The following AHCTF1 variants were observed in gnomAD, a reference collection of about 807,000 sequenced individuals.
The protein encoded by AHCTF1 is protein ELYS.
Under a neutral mutation model 248.4 loss-of-function variants are expected in AHCTF1, and 24 were observed. The ratio of observed to expected loss-of-function variants is 0.10; its 90% confidence interval spans 0.07 to 0.14. The LOEUF (loss-of-function observed/expected upper bound fraction) is 0.14, where lower values mean the gene tolerates loss of function less well. Ranked by LOEUF, AHCTF1 falls within the 10% of genes least tolerant of loss-of-function variation. The pLI, the probability that AHCTF1 is intolerant of heterozygous loss-of-function variation, is 1.00. For missense variants in AHCTF1, 2,206 were observed against 2,636.2 expected, an observed-to-expected ratio of 0.84 and a Z score of 3.57; for synonymous variants, 786 against 929.8, an observed-to-expected ratio of 0.85 and a Z score of 2.81.
intron 7 of AHCTF1, 109 bp from the exon 8 acceptor site, chr1:246,902,784 A>G: frequency 2.8e-6 from 3 of 1,076,542 alleles, no homozygotes; most frequent in South Asian, 2.4e-5. Flanking sequence ...AAAGAAAACA[A>G]TTTAGACTGA....
At chr1:246,909,979 C>T (rs866938617) in intron 4 of AHCTF1, among the ~76,000 whole-genome samples, 8 of 152,298 alleles carry the variant, frequency 5.3e-5, no homozygotes, top group Non-Finnish European at 1.2e-4. Flanking sequence ...TGATGACAGA[C>T]TTTAAAAAGG....
chr1:246,894,917 C>T lies in AHCTF1; in HGVS notation c.1715-169G>A, dbSNP rs184839925. ...TCTCAGTGCACCACACCACGGAGCA[C>T]GTCATTTCAGGTAATGCTGCCGCCA... On this transcript the variant is annotated intron_variant, in intron 13 of 35. Transcript: ENST00000648844. Among the ~76,000 whole-genome samples, 890 of 152,018 alleles carry T rather than the reference C, an allele frequency of 5.9e-3. 9 individuals are homozygous for T. The highest frequency in any genetic ancestry group is 0.016 in the South Asian group (76 of 4,812).
chr1:246,920,434 G>C (rs1666458916), intron 1 of AHCTF1, among the ~76,000 whole-genome samples: 2 of 152,062 alleles, frequency 1.3e-5, no homozygotes, highest in African/African-American at 2.4e-5. Flanking sequence ...AGCAATGAGA[G>C]TGAATCACAG....
chr1:246,842,778 T>C lies in AHCTF1; in HGVS notation c.6526-2A>G. 2 of 1,612,304 alleles carry C rather than the reference T, an allele frequency of 1.2e-6. No individual in the cohort carries two copies. The highest frequency in any genetic ancestry group is 2.2e-5 in the East Asian group (1 of 44,862). On this transcript the variant is annotated splice_acceptor_variant, in intron 34 of 35. Coordinates refer to ENST00000648844, the MANE Select transcript of AHCTF1 (RefSeq NM_001323342.2). LOFTEE classifies it high-confidence loss of function. ...TTCTACTGATTGTGCATCATCTTTC[T>C]ATGGGTTAAACATTTTAAAAGGTTA...
At chr1:246,894,229 T>C (rs1324069523) in intron 14 of AHCTF1, among the ~76,000 whole-genome samples, 1 of 152,194 alleles carries the variant, frequency 6.6e-6, no homozygotes, top group East Asian at 1.9e-4. Context: ...TTTATCACTT[T>C]AATGTAAAAA....
At chr1:246,881,836 T>TCAAAAAAAAAAC (rs1663440413) in intron 21 of AHCTF1, among the ~76,000 whole-genome samples, 1 of 83,962 alleles carries the variant, frequency 1.2e-5, no homozygotes, top group Non-Finnish European at 2.1e-5. Flanking sequence ...AGGCTCCGTC[T>TCAAAAAAAAAAC]CAAAAAAAAA....
intron 1 of AHCTF1, among the ~76,000 whole-genome samples, chr1:246,923,572 T>C (rs1666724980): frequency 6.6e-6 from 1 of 152,224 alleles, no homozygotes; most frequent in Admixed American, 6.5e-5. Context: ...GCTATTTGGA[T>C]ATTTCAATTC....
At position 246,861,975 on chromosome 1, in the gene AHCTF1, G is replaced by A. The variant is rs767795810; in HGVS notation, c.3719C>T (p.Pro1240Leu). Reference protein sequence around the residue: ...RISFVEEDVHPKWIPGAADDS... With the variant: ...RISFVEEDVHLKWIPGAADDS... ...CAAACTTACCCCAGGAATCCATTTT[G>A]GGTGGACATCTTCTTCCACAAATGA... is the stretch of plus-strand genomic sequence containing the variant. Residue 1240 changes from proline to leucine, a missense_variant, in exon 28 of 36, where the codon CCA (proline) becomes CTA (leucine). Around this residue, in one of 6 missense-constraint regions of AHCTF1, gnomAD observed 955 missense variants for 1,055.6 expected, o/e 0.90. Transcript: ENST00000648844. The A allele has an allele frequency of 1.9e-6, 3 of 1,610,930 alleles. No homozygotes were observed. The highest frequency in any genetic ancestry group is 1.1e-5 in the South Asian group (1 of 90,302).
intron 5 of AHCTF1, 116 bp from the exon 6 acceptor site, chr1:246,905,773 G>C: frequency 4.1e-6 from 3 of 732,012 alleles, no homozygotes; most frequent in Non-Finnish European, 6.9e-6. Flanking sequence ...CAGAATAAGT[G>C]ATCTGTGGGC....
At chr1:246,909,394 C>CAAAA (rs55998210) in intron 4 of AHCTF1, among the ~76,000 whole-genome samples, 3 of 62,374 alleles carry the variant, frequency 4.8e-5, no homozygotes, top group Admixed American at 2.1e-4. Context: ...TCCAGCCTCT[C>CAAAA]AAAAAAAAAA....
At chr1:246,862,469 GA>G (rs959558090) in intron 27 of AHCTF1, among the ~76,000 whole-genome samples, 7 of 150,166 alleles carry the variant, frequency 4.7e-5, no homozygotes, top group African/African-American at 1.7e-4. Flanking sequence ...GACAGAGCAA[GA>G]CTCCGTCTCA....
intron 14 of AHCTF1, among the ~76,000 whole-genome samples, chr1:246,893,787 T>G (rs1195325594): frequency 6.6e-6 from 1 of 152,230 alleles, no homozygotes; most frequent in Non-Finnish European, 1.5e-5. Flanking sequence ...GCTTACTCCA[T>G]CATCAGTATA....
At chr1:246,916,112 A>G (rs765694726) in intron 3 of AHCTF1, 30 bp downstream of exon 3, 1 of 1,593,976 alleles carries the variant, frequency 6.3e-7, no homozygotes. Context: ...TTTGAAAGAG[A>G]AATGTCCAGG....
intron 15 of AHCTF1, among the ~76,000 whole-genome samples, chr1:246,891,391 A>G (rs1391838751): frequency 6.6e-6 from 1 of 152,214 alleles, no homozygotes; most frequent in Admixed American, 6.5e-5. Context: ...ACAAACTAGC[A>G]TAGTATCACT....
Position 246,853,238 on chromosome 1 carries a change from A to T in AHCTF1, c.4416T>A (p.Ile1472=), listed in dbSNP as rs1423453757. 4 of 1,614,034 alleles carry T rather than the reference A, an allele frequency of 2.5e-6. No homozygotes were observed. Among genetic ancestry groups the T allele is most frequent in the Non-Finnish European group, 3.4e-6 (4 of 1,179,980 alleles). ...CCTGGTTAAGCCTGCGCTCAGAGAC[A>T]ATAGGACCTTCAGAGATAGTGAGCG... ...NSSLTISEGP[I]VSERRLNQEV... The change falls in exon 32 of 36, where the codon ATT becomes ATA. Residue 1472 remains isoleucine (I), a synonymous_variant. Coordinates refer to ENST00000648844, the MANE Select transcript of AHCTF1 (RefSeq NM_001323342.2).
intron 24 of AHCTF1, among the ~76,000 whole-genome samples, chr1:246,870,421 T>C (rs1662507127): frequency 6.6e-6 from 1 of 152,100 alleles, no homozygotes; most frequent in South Asian, 2.1e-4. Context: ...AGACCTTGTC[T>C]CTTAAAAAAA....
Position 246,850,713 on chromosome 1 carries a change from G to A in AHCTF1, c.5293C>T (p.Pro1765Ser), listed in dbSNP as rs777211448. The A allele has an allele frequency of 2.5e-6, 4 of 1,613,902 alleles. No individual in the cohort carries two copies. Among genetic ancestry groups the A allele is most frequent in the Admixed American group, 1.7e-5 (1 of 60,002 alleles). ...CTGACTGACTGCCCTGGCATCTTAG[G>A]AGTAGCAACATCTGCTGATGCTTCC... ...QQEASADVAT[P>S]KMPGQSVRKK... Residue 1765 changes from proline (P) to serine (S), a missense_variant, in exon 33 of 36, where the codon CCT becomes TCT. By Grantham distance (74) the Pro-to-Ser change is moderately conservative. Coordinates refer to ENST00000648844, the MANE Select transcript of AHCTF1 (RefSeq NM_001323342.2).
chr1:246,925,523 G>A (rs1303683420), intron 1 of AHCTF1, among the ~76,000 whole-genome samples: 1 of 152,194 alleles, frequency 6.6e-6, no homozygotes, highest in Non-Finnish European at 1.5e-5. Flanking sequence ...GGGAAGCTCA[G>A]GCGGAAGGAT....
At chr1:246,905,341 T>C (rs879641550) in intron 6 of AHCTF1, among the ~76,000 whole-genome samples, 200 bp downstream of exon 6, 12 of 151,672 alleles carry the variant, frequency 7.9e-5, no homozygotes, top group Admixed American at 3.3e-4. Flanking sequence ...CTACTGAAAA[T>C]ATAAAAATTA....
Sources: gnomAD v4.1 joint callset for allele counts (sites outside exome capture counted in the v4.1 genomes callset) on GRCh38, gnomAD v4.1.1 for gene constraint, gnomAD v4.1.1 regional missense constraint, MANE v1.5 for transcripts, NCBI Gene and HGNC (gene_info 2026-07-23, HGNC 2026-07-21) for gene names.